Variants in MACROD2 observed in about 807,000 individuals in gnomAD.
MACROD2 encodes the protein ADP-ribose glycohydrolase MACROD2.
A neutral mutation model predicts 70.4 loss-of-function variants in MACROD2; 36 were observed. That is an observed-to-expected ratio of 0.51 (90% confidence interval 0.39 to 0.68). MACROD2 has a LOEUF of 0.68. Ranked by LOEUF, MACROD2 falls within the 30% of genes least tolerant of loss-of-function variation. The pLI is 0.00. For missense variants in MACROD2, 496 were observed against 538.4 expected (o/e 0.92, Z 0.78); for synonymous variants, 172 against 178.8 (o/e 0.96, Z 0.30).
intron 5 of MACROD2, among the ~76,000 whole-genome samples, chr20:15,135,667 C>T (rs1408766411): frequency 1.7e-5 from 2 of 119,682 alleles, no homozygotes; most frequent in South Asian, 3.1e-4. Flanking sequence ...GACAGGGATG[C>T]CCTCTCTCAC....
chr20:14,522,949 G>A (rs1052349344), intron 4 of MACROD2, among the ~76,000 whole-genome samples: 3 of 152,142 alleles, frequency 2.0e-5, no homozygotes, highest in African/African-American at 7.2e-5. Flanking sequence ...TTAAATGAAT[G>A]AAGGAAGGAA....
rs540016016 is a variant in MACROD2 at position 14,274,876 on chromosome 20, A to C, written c.271+189148A>C. ...TAACAGACAAACAGAGAGCCAAATC[A>C]TGAGTGAACTCCCATTCACAATTGC... On this transcript the variant is annotated intron_variant, in intron 3 of 17. Transcript: ENST00000684519. Among the ~76,000 whole-genome samples the C allele has an allele frequency of 2.0e-5, 3 of 151,012 alleles. No homozygotes were observed. The South Asian group carries it at 6.3e-4, about 32-fold the overall frequency.
At chr20:15,892,468 G>A (rs2064904568) in intron 10 of MACROD2, among the ~76,000 whole-genome samples, 1 of 152,216 alleles carries the variant, frequency 6.6e-6, no homozygotes, top group Non-Finnish European at 1.5e-5. Context: ...ACTAAAAACA[G>A]TTTGTTAAAT....
chr20:15,935,725 G>A (rs139200194), intron 11 of MACROD2, among the ~76,000 whole-genome samples: 1 of 152,100 alleles, frequency 6.6e-6, no homozygotes, highest in Non-Finnish European at 1.5e-5. Context: ...CACCATTCCA[G>A]GCACTGAAGA....
chr20:15,840,855 T>A (rs1048919452), intron 8 of MACROD2, among the ~76,000 whole-genome samples: 8 of 152,180 alleles, frequency 5.3e-5, no homozygotes, highest in African/African-American at 1.9e-4. Context: ...CCCACATTAG[T>A]TAAATTATAG....
At chr20:15,718,189 A>G (rs188154554) in intron 8 of MACROD2, among the ~76,000 whole-genome samples, 59 of 151,864 alleles carry the variant, frequency 3.9e-4, no homozygotes, top group African/African-American at 1.4e-3. Flanking sequence ...GGGTTTCACT[A>G]TGTTGGCCAG....
chr20:15,802,180 A>T (rs2063732322), intron 8 of MACROD2, among the ~76,000 whole-genome samples: 1 of 152,118 alleles, frequency 6.6e-6, no homozygotes, highest in Non-Finnish European at 1.5e-5. Context: ...TTCAATTTGG[A>T]TGACTTCCAT....
intron 5 of MACROD2, among the ~76,000 whole-genome samples, chr20:15,056,464 A>G (rs1226857545): frequency 1.3e-5 from 2 of 152,238 alleles, no homozygotes; most frequent in East Asian, 1.9e-4. Context: ...GCAGCTGACC[A>G]TGGTCATGTG....
chr20:14,258,184 T>A lies in MACROD2; in HGVS notation c.271+172456T>A, dbSNP rs545883918. ...ATATTTTTACAATTGTGAATTGTGC[T>A]GCTATAAACATGCATGTGCAAGTGT... On this transcript the variant is annotated intron_variant, in intron 3 of 17. Transcript: ENST00000684519. 4.6e-5 allele frequency among the ~76,000 whole-genome samples: 7 copies of A among 152,328 alleles called. No individual in the cohort carries two copies. The South Asian group carries it at 1.4e-3, about 32-fold the overall frequency.
chr20:15,680,749 C>T (rs973786465), intron 8 of MACROD2, among the ~76,000 whole-genome samples: 4 of 152,030 alleles, frequency 2.6e-5, no homozygotes, highest in African/African-American at 7.2e-5. Context: ...GAGATTAGTG[C>T]GAACCAACCA....
intron 3 of MACROD2, among the ~76,000 whole-genome samples, chr20:14,188,197 A>T (rs2081359716): frequency 6.6e-6 from 1 of 152,142 alleles, no homozygotes; most frequent in Non-Finnish European, 1.5e-5. Context: ...CAAATTTCTG[A>T]TCCCCATCTA....
At position 15,981,389 on chromosome 20, in the gene MACROD2, T is replaced by TTTG. The variant is rs566185052; in HGVS notation, c.986-5317_986-5315dup. On this transcript the variant is annotated intron_variant, in intron 13 of 17. Coordinates refer to ENST00000684519, the MANE Select transcript of MACROD2 (RefSeq NM_001351661.2). ...AGAATGAGTGAATTCTTTTCCTGTT[T>TTTG]TTGTTGTTGTTGTTGTTGTTGTTTA... is the stretch of plus-strand genomic sequence containing the variant. 2.8e-3 allele frequency among the ~76,000 whole-genome samples: 430 copies of TTTG among 152,200 alleles called. 1 individual carries two copies. The South Asian group carries it at 0.033, about 12-fold the overall frequency.
chr20:14,898,621 G>T (rs1432488739), intron 5 of MACROD2, among the ~76,000 whole-genome samples: 2 of 152,096 alleles, frequency 1.3e-5, no homozygotes, highest in East Asian at 3.9e-4. Flanking sequence ...AATTAGCTGG[G>T]CTATAGTCTG....
chr20:15,140,879 A>C (rs370760169), intron 5 of MACROD2, among the ~76,000 whole-genome samples: 1 of 152,218 alleles, frequency 6.6e-6, no homozygotes, highest in South Asian at 2.1e-4. Context: ...CCATAATGAC[A>C]GTAACTGCCT....
intron 5 of MACROD2, among the ~76,000 whole-genome samples, chr20:15,142,204 A>G (rs536048093): frequency 6.6e-6 from 1 of 152,320 alleles, no homozygotes; most frequent in South Asian, 2.1e-4. Flanking sequence ...GGTAACTACT[A>G]AGACTCAATA....
At chr20:14,528,810 C>T (rs925222113) in intron 4 of MACROD2, among the ~76,000 whole-genome samples, 2 of 152,122 alleles carry the variant, frequency 1.3e-5, no homozygotes, top group Non-Finnish European at 2.9e-5. Context: ...CCAACACTTA[C>T]AGAGTAATGT....
chr20:14,049,876 G>T (rs2148647668), intron 2 of MACROD2, among the ~76,000 whole-genome samples: 1 of 152,138 alleles, frequency 6.6e-6, no homozygotes, highest in South Asian at 2.1e-4. Flanking sequence ...CTGAGTTCAG[G>T]AGTTTGAGTC....
chr20:14,998,413 A>G (rs1233647642), intron 5 of MACROD2, among the ~76,000 whole-genome samples: 1 of 152,184 alleles, frequency 6.6e-6, no homozygotes, highest in Non-Finnish European at 1.5e-5. Flanking sequence ...GATAAATTTA[A>G]CAATGAAATG....
intron 5 of MACROD2, among the ~76,000 whole-genome samples, chr20:14,979,301 G>A (rs917004584): frequency 5.9e-5 from 9 of 151,974 alleles, no homozygotes; most frequent in African/African-American, 2.2e-4. Context: ...AATAAAATTT[G>A]TAAAATTTTT....
Sources: allele counts gnomAD v4.1 joint callset (sites outside exome capture counted in the v4.1 genomes callset), GRCh38; gene constraint gnomAD v4.1.1; transcripts MANE v1.5; gene names NCBI Gene and HGNC (gene_info 2026-07-23, HGNC 2026-07-21).